Variants in TSHZ2 observed in about 807,000 individuals in gnomAD.
TSHZ2 encodes the protein teashirt zinc finger homeobox 2.
A neutral mutation model predicts 74.4 loss-of-function variants in TSHZ2; 21 were observed. The ratio of observed to expected loss-of-function variants is 0.28; its 90% CI spans 0.20 to 0.41. The LOEUF is 0.41. Among genes scored for constraint, TSHZ2 ranks in the 10% least tolerant of loss-of-function variants. The pLI is 1.00. For missense variants in TSHZ2, 1,244 were observed against 1,293.5 expected (o/e 0.96, Z 0.59); for synonymous variants, 540 against 515.3 (o/e 1.05, Z -0.65).
intron 2 of TSHZ2, among the ~76,000 whole-genome samples, chr20:53,345,348 C>T (rs1468008457): frequency 6.6e-6 from 1 of 152,042 alleles, no homozygotes; most frequent in Admixed American, 6.6e-5. Context: ...CTGGAAATAG[C>T]TCTTGGTGGT....
At chr20:53,381,275 C>A (rs1303167089) in intron 2 of TSHZ2, among the ~76,000 whole-genome samples, 1 of 152,196 alleles carries the variant, frequency 6.6e-6, no homozygotes, top group East Asian at 1.9e-4. Context: ...TACATCAGGT[C>A]TACTGTACAT....
Position 53,003,255 on chromosome 20 carries a change from GGTGTGTGTGTGTGTGTGTGTGTGT to G in TSHZ2, c.40+29940_40+29963del, listed in dbSNP as rs11468763. ...CAGCCTCCTGTTTTTCTCCAGGGAT[GGTGTGTGTGTGTGTGTGTGTGTGT>G]GTGTGTGTGTGTGTGTGAAATTTTT... On this transcript the variant is annotated intron_variant, in intron 1 of 2. Coordinates refer to ENST00000371497, the MANE Select transcript of TSHZ2 (RefSeq NM_173485.6). Among the ~76,000 whole-genome samples, 17 of 139,602 alleles carry G rather than the reference GGTGTGTGTGTGTGTGTGTGTGTGT, an allele frequency of 1.2e-4. No individual in the cohort carries two copies. The South Asian group carries it at 3.9e-3, about 32-fold the overall frequency. The allele number at this position is 139,602 out of a possible 152,430, so 91.6% of individuals were successfully genotyped here. A position where few individuals can be genotyped will look rare whatever the true frequency, so the allele number is the denominator to read the frequency against.
intron 1 of TSHZ2, among the ~76,000 whole-genome samples, chr20:53,131,839 A>C (rs1401257823): frequency 1.4e-5 from 2 of 141,326 alleles, no homozygotes; most frequent in African/African-American, 2.5e-5. Flanking sequence ...CCCCCCAAAA[A>C]AAAAAAGCCA....
At chr20:53,006,600 A>G (rs1037412814) in intron 1 of TSHZ2, among the ~76,000 whole-genome samples, 5 of 152,232 alleles carry the variant, frequency 3.3e-5, no homozygotes, top group African/African-American at 9.6e-5. Context: ...ATGTTGCCAG[A>G]TCTTTTGGTT....
At chr20:53,361,534 A>G (rs1981053414) in intron 2 of TSHZ2, among the ~76,000 whole-genome samples, 1 of 152,156 alleles carries the variant, frequency 6.6e-6, no homozygotes, top group Non-Finnish European at 1.5e-5. Flanking sequence ...ATTCCCATTG[A>G]TCTCAATTAA....
chr20:53,439,868 A>T (rs1984245127), intron 2 of TSHZ2, among the ~76,000 whole-genome samples: 1 of 152,250 alleles, frequency 6.6e-6, no homozygotes, highest in Non-Finnish European at 1.5e-5. Context: ...AATACATAAC[A>T]GTGCCTAACC....
chr20:52,978,867 A>C (rs1410306826), intron 1 of TSHZ2, among the ~76,000 whole-genome samples: 2 of 152,138 alleles, frequency 1.3e-5, no homozygotes, highest in Admixed American at 6.5e-5. Flanking sequence ...AATCAGGGAG[A>C]GCTTATCCTT....
intron 1 of TSHZ2, among the ~76,000 whole-genome samples, chr20:53,214,654 G>A (rs1004138052): frequency 6.6e-6 from 1 of 152,116 alleles, no homozygotes; most frequent in Admixed American, 6.5e-5. Context: ...TGGAGGCCGA[G>A]GTGACCAGAG....
chr20:53,136,980 G>T (rs1421975245), intron 1 of TSHZ2, among the ~76,000 whole-genome samples: 1 of 152,136 alleles, frequency 6.6e-6, no homozygotes, highest in Admixed American at 6.5e-5. Flanking sequence ...CGGTTATGTG[G>T]TTTAATGGAC....
chr20:53,351,102 G>A (rs976982263), intron 2 of TSHZ2, among the ~76,000 whole-genome samples: 1 of 152,218 alleles, frequency 6.6e-6, no homozygotes, highest in African/African-American at 2.4e-5. Flanking sequence ...AAGAAGCAAA[G>A]AAGGGGATAT....
chr20:53,436,213 G>C (rs943291296), intron 2 of TSHZ2, among the ~76,000 whole-genome samples: 1 of 152,172 alleles, frequency 6.6e-6, no homozygotes, highest in South Asian at 2.1e-4. Context: ...AAGCTATGAT[G>C]GTTCCAAAGC....
At chr20:53,292,304 G>A (rs1051211433) in intron 2 of TSHZ2, among the ~76,000 whole-genome samples, 1 of 152,182 alleles carries the variant, frequency 6.6e-6, no homozygotes, top group Non-Finnish European at 1.5e-5. Flanking sequence ...CACTGGAAAT[G>A]AGAGGATTTT....
intron 2 of TSHZ2, among the ~76,000 whole-genome samples, chr20:53,339,271 C>T (rs1205568386): frequency 1.3e-5 from 2 of 152,156 alleles, no homozygotes; most frequent in African/African-American, 2.4e-5. Flanking sequence ...TAATACCAGG[C>T]CCTATGCAGG....
intron 2 of TSHZ2, chr20:53,412,843 C>T (rs1983101610): frequency 1.3e-5 from 2 of 152,360 alleles, no homozygotes; most frequent in Non-Finnish European, 2.9e-5. Flanking sequence ...TCCTGAAACC[C>T]ATGGGAGCAG....
chr20:53,458,351 G>C (rs1338399983), intron 2 of TSHZ2, among the ~76,000 whole-genome samples: 1 of 151,964 alleles, frequency 6.6e-6, no homozygotes, highest in African/African-American at 2.4e-5. Flanking sequence ...TTGTGTAGAG[G>C]TGTTTGTAGT....
intron 1 of TSHZ2, among the ~76,000 whole-genome samples, chr20:53,146,109 A>G (rs1273118267): frequency 1.3e-5 from 2 of 152,056 alleles, no homozygotes; most frequent in Admixed American, 1.3e-4. Context: ...CTTGTGGAAT[A>G]CAGATGAATT....
At chr20:53,274,002 C>G (rs559791142) in intron 2 of TSHZ2, among the ~76,000 whole-genome samples, 1 of 152,264 alleles carries the variant, frequency 6.6e-6, no homozygotes, top group South Asian at 2.1e-4. Flanking sequence ...CACTAGTGGC[C>G]GGGCGCAGTG....
At chr20:53,197,694 G>A (rs377228729) in intron 1 of TSHZ2, among the ~76,000 whole-genome samples, 2 of 152,150 alleles carry the variant, frequency 1.3e-5, no homozygotes, top group African/African-American at 2.4e-5. Context: ...CGAGTCTCCC[G>A]TTTCTGCAAA....
intron 1 of TSHZ2, among the ~76,000 whole-genome samples, chr20:53,220,944 C>T (rs548920818): frequency 2.6e-5 from 4 of 152,308 alleles, no homozygotes; most frequent in Admixed American, 2.6e-4. Context: ...ATTCCCAAAC[C>T]TTCTGATTCA....
Sources: gnomAD v4.1 joint callset for allele counts (sites outside exome capture counted in the v4.1 genomes callset) on GRCh38, gnomAD v4.1.1 for gene constraint, MANE v1.5 for transcripts, NCBI Gene and HGNC (gene_info 2026-07-23, HGNC 2026-07-21) for gene names.